SIK3: variants seen among roughly 807,000 people sequenced by gnomAD.
SIK3 encodes serine/threonine-protein kinase SIK3.
In SIK3, 28 loss-of-function variants were observed where a neutral mutation model predicts 144.2. The observed-to-expected ratio is 0.19, with a 90% confidence interval of 0.14 to 0.27. The LOEUF (loss-of-function observed/expected upper bound fraction) is 0.27. Ranked by LOEUF, SIK3 falls within the 10% of genes least tolerant of loss-of-function variation. The pLI, the probability that SIK3 is intolerant of heterozygous loss-of-function variation, is 1.00. For synonymous variants in SIK3, 686 were observed against 676.3 expected (o/e 1.01, Z -0.22); for missense variants, 1,319 against 1,776.0 (o/e 0.74, Z 4.62).
intron 6 of SIK3, among the ~76,000 whole-genome samples, chr11:116,892,875 G>A (rs1260505971): frequency 6.6e-6 from 1 of 152,194 alleles, no homozygotes; most frequent in Non-Finnish European, 1.5e-5. Context: ...ATATTATTCA[G>A]TGCTAAAAAG....
chr11:116,904,098 G>A (rs985594653), intron 4 of SIK3, among the ~76,000 whole-genome samples: 1 of 152,038 alleles, frequency 6.6e-6, no homozygotes, highest in African/African-American at 2.4e-5. Context: ...ATGTATTTAT[G>A]GAACTCTTCC....
In SIK3 at chr11:116,888,644, T is replaced by C. The variant is rs556866943; in HGVS notation, c.865+7609A>G. Among the ~76,000 whole-genome samples the C allele has an allele frequency of 6.6e-5, 10 of 152,342 alleles. 1 individual carries two copies. In the South Asian group the frequency reaches 8.3e-4, roughly 13 times the overall value. On this transcript the variant is annotated intron_variant, in intron 6 of 24. Transcript: ENST00000445177. Reference sequence around the variant, plus strand: ...ATTACCAAGGGCCAGAGAGATCATATTGGTAATATAGCAAGTATCTACTGA... The same window carrying C: ...ATTACCAAGGGCCAGAGAGATCATACTGGTAATATAGCAAGTATCTACTGA...
intron 1 of SIK3, among the ~76,000 whole-genome samples, chr11:117,048,891 A>T (rs1440847174): frequency 6.6e-6 from 1 of 151,882 alleles, no homozygotes; most frequent in Non-Finnish European, 1.5e-5. Context: ...TCATGAGGTC[A>T]GGAGTTCGAG....
chr11:116,988,762 C>G (rs981988027), intron 1 of SIK3, among the ~76,000 whole-genome samples: 15 of 151,822 alleles, frequency 9.9e-5, no homozygotes, highest in African/African-American at 3.6e-4. Flanking sequence ...CCACTGCACT[C>G]CAGCCTAGGT....
intron 4 of SIK3, among the ~76,000 whole-genome samples, chr11:116,902,255 A>C (rs1027263837): frequency 6.6e-6 from 1 of 152,238 alleles, no homozygotes; most frequent in South Asian, 2.1e-4. Context: ...AAATTCGCCT[A>C]TAAGCAGATA....
At chr11:116,905,999 C>T (rs1339080989) in intron 4 of SIK3, among the ~76,000 whole-genome samples, 1 of 152,050 alleles carries the variant, frequency 6.6e-6, no homozygotes, top group Admixed American at 6.6e-5. Flanking sequence ...GTCACTTATG[C>T]TTTTGGTGTG....
intron 1 of SIK3, among the ~76,000 whole-genome samples, chr11:117,030,010 A>G (rs192457590): frequency 6.6e-6 from 1 of 152,148 alleles, no homozygotes; most frequent in Non-Finnish European, 1.5e-5. Flanking sequence ...CCAGATATCT[A>G]AGGAGTAAAG....
rs551928839 is a variant in SIK3, at chr11:116,888,307, G to A, written c.865+7946C>T. Among the ~76,000 whole-genome samples, 5 of 152,266 alleles carry A rather than the reference G, an allele frequency of 3.3e-5. No individual in the cohort carries two copies. In the South Asian group the frequency reaches 1.0e-3, roughly 32 times the overall value. On this transcript the variant is annotated intron_variant, in intron 6 of 24. Transcript: ENST00000445177. Reference sequence around the variant, plus strand: ...AATTCTCTCAATCACGCTATCTCCCGTAATACAGCAATAGCAGCTGGCCTC... The same window carrying A: ...AATTCTCTCAATCACGCTATCTCCCATAATACAGCAATAGCAGCTGGCCTC...
At chr11:117,043,509 C>A (rs1952832007) in intron 1 of SIK3, among the ~76,000 whole-genome samples, 2 of 152,150 alleles carry the variant, frequency 1.3e-5, no homozygotes, top group Non-Finnish European at 2.9e-5. Context: ...ACAAGCACTA[C>A]CATTTTACAA....
intron 1 of SIK3, among the ~76,000 whole-genome samples, chr11:117,042,695 A>G (rs1952800244): frequency 6.6e-6 from 1 of 152,226 alleles, no homozygotes; most frequent in African/African-American, 2.4e-5. Context: ...AAGAAAAGCC[A>G]ACTGGCTAAA....
intron 3 of SIK3, among the ~76,000 whole-genome samples, chr11:116,932,586 T>C (rs866370215): frequency 1.3e-5 from 2 of 152,100 alleles, no homozygotes; most frequent in Admixed American, 6.5e-5. Flanking sequence ...CTGTTCAATT[T>C]TTTGTATCAA....
At chr11:116,894,725 G>A (rs1040104683) in intron 6 of SIK3, among the ~76,000 whole-genome samples, 50 of 152,196 alleles carry the variant, frequency 3.3e-4, no homozygotes, top group Non-Finnish European at 1.8e-4. Context: ...GTGAGTTAAT[G>A]TTTGTGAAGT....
At chr11:116,901,165 T>C (rs1945720300) in intron 4 of SIK3, among the ~76,000 whole-genome samples, 1 of 152,350 alleles carries the variant, frequency 6.6e-6, no homozygotes, top group Non-Finnish European at 1.5e-5. Flanking sequence ...GCGCCCAGCC[T>C]CTGCCTTATA....
Position 116,875,999 on chromosome 11 carries a change from G to C in SIK3, c.1106C>G (p.Ser369Ter). The change falls in exon 9 of 25, where the codon TCA (serine) becomes TGA (stop). Residue 369 changes from serine to a stop codon, truncating the protein, a stop_gained. Transcript: ENST00000445177. LOFTEE classifies it high-confidence loss of function. ...DKEQTLQSLR[S>*]DAYDHYSAIY... ...TGCACTATAGTGATCATAGGCATCT[G>C]ATCTTAATGACTACCAAGAGAGAAG... 6.2e-7 allele frequency: 1 copy of C among 1,613,534 alleles called. No homozygotes were observed. Among genetic ancestry groups the C allele is most frequent in the Non-Finnish European group, 8.5e-7 (1 of 1,179,896 alleles).
chr11:116,930,753 G>C (rs1237057019), intron 3 of SIK3, among the ~76,000 whole-genome samples: 3 of 151,938 alleles, frequency 2.0e-5, no homozygotes, highest in Non-Finnish European at 2.9e-5. Context: ...CATGCCCCTA[G>C]CTAGAGTCCT....
chr11:117,011,832 G>A (rs1176347163), intron 1 of SIK3, among the ~76,000 whole-genome samples: 5 of 151,950 alleles, frequency 3.3e-5, no homozygotes, highest in Non-Finnish European at 7.4e-5. Context: ...TTTTAATTAG[G>A]CATGGTGGCA....
chr11:117,054,302 C>G (rs1953405342), intron 1 of SIK3, among the ~76,000 whole-genome samples: 1 of 152,118 alleles, frequency 6.6e-6, no homozygotes, highest in Admixed American at 6.6e-5. Flanking sequence ...AGGTCAGGGA[C>G]AAAGGTATGA....
At chr11:117,066,852 A>G (rs1954047578) in intron 1 of SIK3, among the ~76,000 whole-genome samples, 1 of 152,182 alleles carries the variant, frequency 6.6e-6, no homozygotes, top group Non-Finnish European at 1.5e-5. Flanking sequence ...CATTTCTTTT[A>G]ATGAGCAAAA....
intron 1 of SIK3, among the ~76,000 whole-genome samples, chr11:117,007,686 T>C (rs770036147): frequency 7.2e-5 from 11 of 152,198 alleles, no homozygotes; most frequent in Non-Finnish European, 1.2e-4. Context: ...TACTAACTTT[T>C]AGATTTAGAT....
Sources: gnomAD v4.1 joint callset for allele counts (sites outside exome capture counted in the v4.1 genomes callset) on GRCh38, gnomAD v4.1.1 for gene constraint, MANE v1.5 for transcripts, NCBI Gene and HGNC (gene_info 2026-07-23, HGNC 2026-07-21) for gene names.